The following ASPRV1 variants were observed in gnomAD, a reference collection of about 807,000 sequenced individuals.
The protein encoded by ASPRV1 is retroviral-like aspartic protease 1.
A neutral mutation model predicts 11.0 loss-of-function variants in ASPRV1; 7 were observed. The ratio of observed to expected loss-of-function variants is 0.64; its 90% confidence interval spans 0.36 to 1.20. The LOEUF is 1.20. ASPRV1 is among the 50% of genes most tolerant of loss of function. The pLI, the probability that ASPRV1 is intolerant of heterozygous loss-of-function variation, is 0.02. For missense variants in ASPRV1, 299 were observed against 320.0 expected (o/e 0.93, Z 0.50); for synonymous variants, 136 against 138.4 (o/e 0.98, Z 0.12).
At chr2:70,036,180 A>G in the ASPRV1 span, among the ~76,000 whole-genome samples, 1 of 151,996 alleles carries the variant, frequency 6.6e-6, no homozygotes, top group Non-Finnish European at 1.5e-5. Flanking sequence ...AGAGGTGGGC[A>G]GAAAAAGAGA....
At chr2:70,060,914 T>C in the ASPRV1 span, among the ~76,000 whole-genome samples, 1 of 152,216 alleles carries the variant, frequency 6.6e-6, no homozygotes, top group Admixed American at 6.5e-5. Flanking sequence ...TGAGTGTCTC[T>C]ACATACTAGG....
the ASPRV1 span, among the ~76,000 whole-genome samples, chr2:69,989,633 C>A: frequency 6.6e-6 from 1 of 152,244 alleles, no homozygotes; most frequent in African/African-American, 2.4e-5. Flanking sequence ...CCAGAGTAAA[C>A]AGCCTGATGA....
At chr2:69,963,466 T>C (rs1261070007), upstream of ASPRV1, 1 of 456,296 alleles carries the variant, frequency 2.2e-6, no homozygotes, top group Non-Finnish European at 4.4e-6. Context: ...GTTTCCTGAT[T>C]CCCTGGTATT....
chr2:69,998,199 C>T, the ASPRV1 span: 1 of 151,882 alleles, frequency 6.6e-6, no homozygotes, highest in Admixed American at 6.6e-5. Context: ...CAACCTCCCA[C>T]CAATAGCTTC....
At chr2:70,055,596 G>C in the ASPRV1 span, 1 of 151,120 alleles carries the variant, frequency 6.6e-6, no homozygotes, top group East Asian at 2.0e-4. Context: ...CATGGATACA[G>C]AGAAGGGAAT....
chr2:70,080,582 T>C, the ASPRV1 span, among the ~76,000 whole-genome samples: 1 of 152,150 alleles, frequency 6.6e-6, no homozygotes, highest in African/African-American at 2.4e-5. Flanking sequence ...AACTCAAAGG[T>C]CAGGTTTAAT....
upstream of ASPRV1, chr2:69,963,328 C>T (rs1678201034): frequency 2.2e-6 from 1 of 456,430 alleles, no homozygotes; most frequent in South Asian, 1.5e-5. Context: ...TAATGAAAAA[C>T]CTGCATCCAG....
chr2:70,079,277 A>C, the ASPRV1 span, among the ~76,000 whole-genome samples: 1 of 152,078 alleles, frequency 6.6e-6, no homozygotes, highest in Non-Finnish European at 1.5e-5. Context: ...GATCGAATCC[A>C]GCCTCAGCAA....
chr2:69,963,546 G>A (rs1210292091), upstream of ASPRV1: 1 of 425,190 alleles, frequency 2.4e-6, no homozygotes, highest in Non-Finnish European at 4.8e-6. Context: ...ACCAAGGGAG[G>A]AGCGAGGCAG....
chr2:70,036,083 A>G, the ASPRV1 span, among the ~76,000 whole-genome samples: 1 of 151,672 alleles, frequency 6.6e-6, no homozygotes, highest in East Asian at 2.0e-4. Context: ...TTCATTTCTC[A>G]TTTCTCCACT....
chr2:69,941,866 A>G, the ASPRV1 span: 51 of 147,284 alleles, frequency 3.5e-4, no homozygotes, highest in African/African-American at 1.3e-3. Context: ...CTATATATAC[A>G]CACACACACA....
At chr2:70,015,139 A>G in the ASPRV1 span, among the ~76,000 whole-genome samples, 5 of 152,342 alleles carry the variant, frequency 3.3e-5, no homozygotes, top group East Asian at 9.6e-4. Flanking sequence ...ACCCAACTAT[A>G]TGTGGCCTAT....
chr2:70,020,836 T>C, the ASPRV1 span, among the ~76,000 whole-genome samples: 1 of 152,132 alleles, frequency 6.6e-6, no homozygotes, highest in Admixed American at 6.5e-5. Flanking sequence ...AGGGTACTAG[T>C]GGTGATCAGG....
the ASPRV1 span, among the ~76,000 whole-genome samples, chr2:70,017,797 T>C: frequency 8.5e-5 from 13 of 152,076 alleles, no homozygotes; most frequent in Non-Finnish European, 1.6e-4. Flanking sequence ...AACAACGAAC[T>C]ATCAAAAAAA....
the ASPRV1 span, among the ~76,000 whole-genome samples, chr2:69,984,116 G>A: frequency 1.3e-5 from 2 of 152,270 alleles, no homozygotes; most frequent in African/African-American, 2.4e-5. Flanking sequence ...TCAGCTCACT[G>A]AAACTTCCAC....
chr2:70,051,164 C>T, the ASPRV1 span: 1 of 152,140 alleles, frequency 6.6e-6, no homozygotes, highest in East Asian at 1.9e-4. Context: ...CCTACTTAAC[C>T]GAGATGAAAC....
At chr2:70,049,388 T>C in the ASPRV1 span, 1 of 152,088 alleles carries the variant, frequency 6.6e-6, no homozygotes, top group African/African-American at 2.4e-5. Flanking sequence ...GGCAGGTAGC[T>C]GCTGCCAAAA....
chr2:70,050,806 G>A, the ASPRV1 span: 1 of 152,066 alleles, frequency 6.6e-6, no homozygotes, highest in Admixed American at 6.6e-5. Context: ...AGCCAGGTGT[G>A]GTAGCAGGCG....
chr2:70,052,704 A>G, the ASPRV1 span, among the ~76,000 whole-genome samples: 1 of 152,166 alleles, frequency 6.6e-6, no homozygotes, highest in Non-Finnish European at 1.5e-5. Context: ...GGACATAAGA[A>G]GGATGGAAGG....
Sources: gnomAD v4.1 joint callset for allele counts (sites outside exome capture counted in the v4.1 genomes callset) on GRCh38, gnomAD v4.1.1 for gene constraint, MANE v1.5 for transcripts, NCBI Gene and HGNC (gene_info 2026-07-23, HGNC 2026-07-21) for gene names.